The following GRIN3A variants were observed in gnomAD, a reference collection of about 807,000 sequenced individuals.
GRIN3A encodes glutamate ionotropic receptor NMDA type subunit 3A.
GRIN3A carries 47 observed loss-of-function variants against 92.4 expected under a neutral mutation model. The observed-to-expected ratio is 0.51, with a 90% confidence interval of 0.40 to 0.65. GRIN3A has a LOEUF of 0.65. Ranked by LOEUF, GRIN3A falls within the 30% of genes least tolerant of loss-of-function variation. The pLI is 0.00. For synonymous variants in GRIN3A, 527 were observed against 540.6 expected (o/e 0.97, Z 0.35); for missense variants, 1,324 against 1,393.1 (o/e 0.95, Z 0.79).
At chr9:101,685,645 C>T (rs548563560) in intron 2 of GRIN3A, among the ~76,000 whole-genome samples, 5 of 151,678 alleles carry the variant, frequency 3.3e-5, no homozygotes, top group Admixed American at 6.6e-5. Context: ...TGGACATTTT[C>T]GTTCTAGTTT....
intron 3 of GRIN3A, among the ~76,000 whole-genome samples, chr9:101,668,705 T>C (rs1378038673): frequency 6.6e-6 from 1 of 152,172 alleles, no homozygotes; most frequent in Non-Finnish European, 1.5e-5. Context: ...CATTGTTGGC[T>C]GAATCCTCTC....
chr9:101,704,113 C>G (rs1352189787), intron 1 of GRIN3A, among the ~76,000 whole-genome samples: 1 of 152,046 alleles, frequency 6.6e-6, no homozygotes, highest in Non-Finnish European at 1.5e-5. Flanking sequence ...CAGCTTGCTG[C>G]TTTAGTTAAT....
chr9:101,605,430 T>C (rs962564966), intron 6 of GRIN3A, among the ~76,000 whole-genome samples: 1 of 152,210 alleles, frequency 6.6e-6, no homozygotes, highest in Non-Finnish European at 1.5e-5. Context: ...GTGGATGTTT[T>C]GATACCATGG....
chr9:101,607,753 C>G (rs1828306384), intron 6 of GRIN3A, among the ~76,000 whole-genome samples: 1 of 152,184 alleles, frequency 6.6e-6, no homozygotes, highest in Non-Finnish European at 1.5e-5. Context: ...CAGAGCCCGG[C>G]AGTGTATGAC....
At chr9:101,624,877 C>A (rs1828610703) in intron 4 of GRIN3A, among the ~76,000 whole-genome samples, 1 of 152,126 alleles carries the variant, frequency 6.6e-6, no homozygotes, top group Non-Finnish European at 1.5e-5. Flanking sequence ...GTTAGAATGG[C>A]AATCATTAAA....
At chr9:101,680,329 TTTGA>T (rs2118968075) in intron 2 of GRIN3A, among the ~76,000 whole-genome samples, 1 of 152,336 alleles carries the variant, frequency 6.6e-6, no homozygotes, top group South Asian at 2.1e-4. Context: ...TGGACATTTG[TTTGA>T]TTCATTTTTT....
intron 1 of GRIN3A, 62 bp from the exon 2 acceptor site, chr9:101,687,262 G>T: frequency 6.4e-7 from 1 of 1,554,048 alleles, no homozygotes; most frequent in Non-Finnish European, 8.9e-7. Flanking sequence ...TTAACATAGG[G>T]TACTTTTGCT....
chr9:101,643,266 A>G (rs1165098088), intron 3 of GRIN3A, among the ~76,000 whole-genome samples: 3 of 152,194 alleles, frequency 2.0e-5, no homozygotes, highest in African/African-American at 7.2e-5. Context: ...TTTCCAAAGA[A>G]GATATACAAA....
intron 5 of GRIN3A, among the ~76,000 whole-genome samples, chr9:101,619,479 G>T (rs1339442838): frequency 6.6e-6 from 1 of 152,178 alleles, no homozygotes; most frequent in Non-Finnish European, 1.5e-5. Context: ...CACTTCTTAT[G>T]TGCCAAACAA....
At chr9:101,675,782 G>A (rs891447900) in intron 2 of GRIN3A, among the ~76,000 whole-genome samples, 11 of 151,560 alleles carry the variant, frequency 7.3e-5, no homozygotes, top group African/African-American at 2.7e-4. Context: ...TGTCATTTTG[G>A]GTAAATATTC....
chr9:101,616,186 T>C (rs936200657), intron 5 of GRIN3A, among the ~76,000 whole-genome samples: 11 of 152,204 alleles, frequency 7.2e-5, no homozygotes, highest in Admixed American at 7.2e-4. Flanking sequence ...AGTGAATCAG[T>C]GACTATTATA....
intron 6 of GRIN3A, chr9:101,591,560 T>C (rs1178729733): frequency 6.6e-6 from 1 of 152,162 alleles, no homozygotes; most frequent in East Asian, 1.9e-4. Context: ...CACAGTGTTG[T>C]TATGATGATT....
chr9:101,729,587 A>G (rs1397345961), intron 1 of GRIN3A, among the ~76,000 whole-genome samples: 1 of 152,182 alleles, frequency 6.6e-6, no homozygotes, highest in East Asian at 1.9e-4. Flanking sequence ...ACACCTGGAT[A>G]ATCCAAGATA....
At chr9:101,705,000 A>T (rs1829795288) in intron 1 of GRIN3A, among the ~76,000 whole-genome samples, 1 of 152,080 alleles carries the variant, frequency 6.6e-6, no homozygotes, top group East Asian at 1.9e-4. Context: ...TTAATAAGAT[A>T]ATACATTTGA....
chr9:101,612,456 A>G (rs7875712), intron 6 of GRIN3A, among the ~76,000 whole-genome samples: 84,718 of 152,046 alleles, frequency 0.56, 24,567 homozygotes, highest in African/African-American at 0.73. Context: ...ATGCCTGGAG[A>G]ATATTCAAGT....
At chr9:101,649,987 GA>G (rs1434818540) in intron 3 of GRIN3A, among the ~76,000 whole-genome samples, 26 of 152,182 alleles carry the variant, frequency 1.7e-4, no homozygotes, top group African/African-American at 5.1e-4. Context: ...TACAGAAATG[GA>G]ATAGGAGTTG....
chr9:101,645,778 C>T lies in GRIN3A; in HGVS notation c.2353-17377G>A, dbSNP rs368117795. Among the ~76,000 whole-genome samples, 114 of 149,602 alleles carry T rather than the reference C, an allele frequency of 7.6e-4. 1 individual carries two copies. The highest frequency in any genetic ancestry group is 2.6e-3 in the African/African-American group (105 of 41,048). On this transcript the variant is annotated intron_variant, in intron 3 of 8. Coordinates refer to ENST00000361820, the MANE Select transcript of GRIN3A (RefSeq NM_133445.3). ...ATAAAAGCCATTTAACTGGGTGAAACGATACCTCATTGTGGTTTCAATTTG... is the reference window on the plus strand; with the variant it reads ...ATAAAAGCCATTTAACTGGGTGAAATGATACCTCATTGTGGTTTCAATTTG...
At chr9:101,609,926 T>A (rs1313737568) in intron 6 of GRIN3A, among the ~76,000 whole-genome samples, 1 of 152,236 alleles carries the variant, frequency 6.6e-6, no homozygotes, top group Non-Finnish European at 1.5e-5. Flanking sequence ...CTTGAACTCC[T>A]GGGCTCAAAT....
At position 101,686,751 on chromosome 9, in the gene GRIN3A, A is replaced by AGACT; in HGVS notation, c.1145_1148dup (p.Phe385CysfsTer3). The AGACT allele has an allele frequency of 6.2e-7, 1 of 1,614,188 alleles. No individual in the cohort carries two copies. Among genetic ancestry groups the AGACT allele is most frequent in the Non-Finnish European group, 8.5e-7 (1 of 1,180,028 alleles). ...CATCTTGTACGTAGTGCTCAAAGAC[A>AGACT]GACTGTGTTGTTTTTCCATGAGCAA... is the stretch of plus-strand genomic sequence containing the variant. On this transcript the variant is annotated frameshift_variant, in exon 2 of 9. Coordinates refer to ENST00000361820, the MANE Select transcript of GRIN3A (RefSeq NM_133445.3). LOFTEE classifies it high-confidence loss of function.
Sources: allele counts gnomAD v4.1 joint callset (sites outside exome capture counted in the v4.1 genomes callset), GRCh38; gene constraint gnomAD v4.1.1; transcripts MANE v1.5; gene names NCBI Gene and HGNC (gene_info 2026-07-23, HGNC 2026-07-21).